Variants in MED13 observed in about 807,000 individuals in gnomAD.
The protein encoded by MED13 is mediator complex subunit 13, also known as mediator of RNA polymerase II transcription subunit 13.
In MED13, 23 loss-of-function variants were observed where a neutral mutation model predicts 225.2. The ratio of observed to expected loss-of-function variants is 0.10; its 90% CI spans 0.07 to 0.14. The LOEUF is 0.14. Among genes scored for constraint, MED13 ranks in the 10% least tolerant of loss-of-function variants. The pLI, the probability that MED13 is intolerant of heterozygous loss-of-function variation, is 1.00. For synonymous variants in MED13, 942 were observed against 889.2 expected (o/e 1.06, Z -1.06); for missense variants, 2,197 against 2,594.5 (o/e 0.85, Z 3.33).
At chr17:61,969,882 G>C (rs569317605) in intron 17 of MED13, among the ~76,000 whole-genome samples, 1 of 152,068 alleles carries the variant, frequency 6.6e-6, no homozygotes, top group African/African-American at 2.4e-5. Flanking sequence ...GATTACAGGC[G>C]TGAGTCGTCA....
At chr17:61,949,082 C>A (rs1385342873) in intron 28 of MED13, among the ~76,000 whole-genome samples, 1 of 148,066 alleles carries the variant, frequency 6.8e-6, no homozygotes, top group African/African-American at 2.5e-5. Context: ...AGCGAGACTC[C>A]GTCTCAAAAA....
intron 1 of MED13, among the ~76,000 whole-genome samples, chr17:62,064,447 AAC>A (rs1444726495): frequency 2.0e-5 from 3 of 152,314 alleles, no homozygotes; most frequent in East Asian, 1.9e-4. Context: ...TAAATATAGA[AAC>A]AGTGCAAAAC....
intron 11 of MED13, among the ~76,000 whole-genome samples, chr17:61,987,551 A>G (rs1191647490): frequency 3.3e-5 from 5 of 152,212 alleles, no homozygotes; most frequent in Non-Finnish European, 5.9e-5. Context: ...AAGAAATTGT[A>G]CTTTATTGTT....
At chr17:61,966,428 C>G (rs2080058711) in intron 19 of MED13, 34 bp downstream of exon 19, 1 of 1,543,788 alleles carries the variant, frequency 6.5e-7, no homozygotes, top group Admixed American at 2.0e-5. Flanking sequence ...ATTTTGCTAA[C>G]ACCAGCCTTA....
intron 5 of MED13, 70 bp from the exon 6 acceptor site, chr17:62,031,708 T>A (rs866785466): frequency 2.0e-6 from 2 of 1,008,024 alleles, no homozygotes; most frequent in African/African-American, 1.7e-5. Flanking sequence ...CACTCAAAAG[T>A]ACTATAATGG....
At position 62,010,763 on chromosome 17, in the gene MED13, G is replaced by A; in HGVS notation, c.1754C>T (p.Ser585Phe). ...AGCTTCCTGATATTGAGGTGGGAAA[G>A]ACTGGGACAAACTGTCTATCCTATC... is the stretch of plus-strand genomic sequence containing the variant. ...MEDRIDSLSQ[S>F]FPPQYQEAVE... The change falls in exon 9 of 30, where the codon TCT (serine) becomes TTT (phenylalanine). Residue 585 changes from serine to phenylalanine, a missense_variant. By Grantham distance (155) the Ser-to-Phe change is radical. This residue lies in a region of MED13 where 884 missense variants were observed against 918.5 expected (regional missense o/e 0.96). Transcript: ENST00000397786. The A allele has an allele frequency of 6.2e-7, 1 of 1,614,158 alleles. No individual in the cohort carries two copies. The highest frequency in any genetic ancestry group is 8.5e-7 in the Non-Finnish European group (1 of 1,180,012).
At position 61,944,368 on chromosome 17, in the gene MED13, A is replaced by G. The variant is rs1345033992; in HGVS notation, c.*2100T>C. 6.6e-6 allele frequency: 1 copy of G among 150,486 alleles called. No homozygotes were observed. 9.3% of individuals were successfully genotyped at this position (150,486 alleles called of 1,614,324 possible). On this transcript the variant is annotated 3_prime_UTR_variant, in exon 30 of 30. Coordinates refer to ENST00000397786, the MANE Select transcript of MED13 (RefSeq NM_005121.3). ...AAGCACATTTTCCTTCAAATCTCAG[A>G]CAAGTTTTTTTTTTTTTTTTAAAGA...
intron 8 of MED13, among the ~76,000 whole-genome samples, chr17:62,015,915 C>CACACATATATATATATATAT (rs1230248036): frequency 2.3e-4 from 2 of 8,600 alleles, no homozygotes; most frequent in African/African-American, 3.4e-4. Flanking sequence ...ACACTATACA[C>CACACATATATATATATATAT]ATATATATAT....
chr17:62,007,794 G>A (rs554679872), intron 9 of MED13, among the ~76,000 whole-genome samples: 13 of 152,218 alleles, frequency 8.5e-5, no homozygotes, highest in African/African-American at 3.1e-4. Context: ...CTTGCAGTGA[G>A]CCAAGATCGC....
intron 8 of MED13, among the ~76,000 whole-genome samples, chr17:62,018,684 T>C (rs747958100): frequency 2.7e-5 from 4 of 149,884 alleles, no homozygotes; most frequent in Non-Finnish European, 5.9e-5. Context: ...ACTGCACTCC[T>C]GCCTGGGCAA....
intron 18 of MED13, among the ~76,000 whole-genome samples, chr17:61,967,070 A>G (rs1603393287): frequency 6.6e-6 from 1 of 152,292 alleles, no homozygotes; most frequent in East Asian, 1.9e-4. Context: ...CAAAATAAAA[A>G]TTGTTATACA....
Position 61,956,372 on chromosome 17 carries a change from G to A in MED13, c.5590C>T (p.Arg1864Cys), listed in dbSNP as rs756749053. ...TCTCCATGACCAATCCTTCCTAGAC[G>A]ACCAATTACAACTCTCCATGGCAAT... is the stretch of plus-strand genomic sequence containing the variant. The part of the protein sequence containing the change: ...SSLPWRVVIG[R>C]LGRIGHGELK... The change falls in exon 24 of 30, where the codon CGT becomes TGT. Residue 1864 changes from arginine to cysteine, a missense_variant. By Grantham distance (180) the Arg-to-Cys change is radical. Coordinates refer to ENST00000397786, the MANE Select transcript of MED13 (RefSeq NM_005121.3). The A allele has an allele frequency of 1.2e-6, 2 of 1,613,440 alleles. No homozygotes were observed. The highest frequency in any genetic ancestry group is 8.5e-7 in the Non-Finnish European group (1 of 1,179,750).
chr17:62,029,598 T>TTAG lies in MED13; in HGVS notation c.1223_1225dup (p.Ala408_Lys409insThr). ...TTCAACAAAATCCCAGGATGCCACTTTAGCAGCTGTCGCTTCTTCGCATAG... is the reference window on the plus strand; with the variant it reads ...TTCAACAAAATCCCAGGATGCCACTTTAGTAGCAGCTGTCGCTTCTTCGCATAG... On this transcript the variant is annotated inframe_insertion, in exon 8 of 30. Transcript: ENST00000397786. 1 of 1,614,198 alleles carries TTAG rather than the reference T, an allele frequency of 6.2e-7. No homozygotes were observed. Among genetic ancestry groups the TTAG allele is most frequent in the Non-Finnish European group, 8.5e-7 (1 of 1,180,036 alleles).
intron 8 of MED13, among the ~76,000 whole-genome samples, chr17:62,014,310 TTATA>T (rs79817498): frequency 6.6e-4 from 94 of 143,082 alleles, no homozygotes; most frequent in Middle Eastern, 3.4e-3. Flanking sequence ...GTATATGTTT[TTATA>T]TATATATATA....
At chr17:61,949,273 T>C (rs1279938599) in intron 28 of MED13, among the ~76,000 whole-genome samples, 3 of 152,204 alleles carry the variant, frequency 2.0e-5, no homozygotes, top group African/African-American at 7.2e-5. Context: ...GTCACCTAGC[T>C]GGAGTGCAGT....
At chr17:61,979,035 G>A (rs2080181154) in intron 16 of MED13, among the ~76,000 whole-genome samples, 1 of 151,888 alleles carries the variant, frequency 6.6e-6, no homozygotes, top group Non-Finnish European at 1.5e-5. Flanking sequence ...TTGGACACAT[G>A]TGAAATTTCA....
intron 16 of MED13, 38 bp from the exon 17 acceptor site, chr17:61,972,926 G>C: frequency 6.5e-7 from 1 of 1,528,004 alleles, no homozygotes. Context: ...ATTAAGAATT[G>C]CTATTGCCAA....
rs548050301 is a variant in MED13, at chr17:61,982,895, A to G, written c.3108T>C (p.Tyr1036=). Residue 1036 remains tyrosine (Y), a synonymous_variant, in exon 16 of 30, where the codon TAT becomes TAC. Coordinates refer to ENST00000397786, the MANE Select transcript of MED13 (RefSeq NM_005121.3). ...GPASAQGSVK[Y]ENSDLYSPAS... is the part of the protein sequence containing the mutation. ...CTGGTGAATACAAGTCTGAATTTTC[A>G]TATTTGACTGAACCTTGAGCACTAG... is the stretch of plus-strand genomic sequence containing the variant. 19 of 1,614,074 alleles carry G rather than the reference A, an allele frequency of 1.2e-5. No homozygotes were observed. Among genetic ancestry groups the G allele is most frequent in the Admixed American group, 1.0e-4 (6 of 60,004 alleles).
At chr17:61,990,044 G>A (rs1407399003) in intron 11 of MED13, among the ~76,000 whole-genome samples, 1 of 152,150 alleles carries the variant, frequency 6.6e-6, no homozygotes, top group African/African-American at 2.4e-5. Context: ...GTTATCCACA[G>A]ACTGACCCTC....
Sources: allele counts gnomAD v4.1 joint callset (sites outside exome capture counted in the v4.1 genomes callset), GRCh38; gene constraint gnomAD v4.1.1; regional missense constraint gnomAD v4.1.1; transcripts MANE v1.5; gene names NCBI Gene and HGNC (gene_info 2026-07-23, HGNC 2026-07-21).